ADARB2: variants seen among roughly 807,000 people sequenced by gnomAD.
The protein encoded by ADARB2 is inactive double-stranded RNA-specific editase B2.
A neutral mutation model predicts 62.2 loss-of-function variants in ADARB2; 25 were observed. That is an observed-to-expected ratio of 0.40 (90% CI 0.29 to 0.56). ADARB2 has a LOEUF of 0.56. ADARB2 is among the 20% of genes least tolerant of loss of function. The pLI is 0.43. For synonymous variants in ADARB2, 572 were observed against 500.8 expected, an observed-to-expected ratio of 1.14 and a Z score of -1.90; for missense variants, 1,071 against 1,077.4, an observed-to-expected ratio of 0.99 and a Z score of 0.08.
rs577165494 is a variant in ADARB2, at chr10:1,426,425, C to T, written c.101-47265G>A. Among the ~76,000 whole-genome samples the T allele has an allele frequency of 6.3e-4, 96 of 152,164 alleles. No individual in the cohort carries two copies. The highest frequency in any genetic ancestry group is 1.0e-3 in the Admixed American group (16 of 15,286). ...TCCCTTGTCATTGTTGCTGTAAAAC[C>T]GAAGCCCTCTTCTGCGTGGCGATTT... On this transcript the variant is annotated intron_variant, in intron 1 of 9. Coordinates refer to ENST00000381312, the MANE Select transcript of ADARB2 (RefSeq NM_018702.4). The surrounding 1 kb of genome is among the most constrained non-coding windows in gnomAD (Gnocchi z 4.1).
At chr10:1,496,347 T>C (rs1831691476) in intron 1 of ADARB2, among the ~76,000 whole-genome samples, 1 of 151,820 alleles carries the variant, frequency 6.6e-6, no homozygotes, top group South Asian at 2.1e-4. Context: ...ACCTCCATTA[T>C]CATCATTGTC....
At chr10:1,474,294 T>C (rs2131919292) in intron 1 of ADARB2, among the ~76,000 whole-genome samples, 1 of 152,268 alleles carries the variant, frequency 6.6e-6, no homozygotes, top group East Asian at 1.9e-4. Context: ...CCCGGCCCTC[T>C]GGGACGGCAT....
chr10:1,625,186 T>C (rs1245803862), intron 1 of ADARB2, among the ~76,000 whole-genome samples: 1 of 152,228 alleles, frequency 6.6e-6, no homozygotes, highest in African/African-American at 2.4e-5. Context: ...TTTTCTGTGG[T>C]GCAGAAAGGA....
chr10:1,717,072 T>C (rs1169346151), intron 1 of ADARB2, among the ~76,000 whole-genome samples: 2 of 151,584 alleles, frequency 1.3e-5, no homozygotes, highest in Non-Finnish European at 2.9e-5. Context: ...TCACATGTTA[T>C]TCTGATCACA....
At chr10:1,387,462 G>A (rs2820598) in intron 1 of ADARB2, among the ~76,000 whole-genome samples, 7,990 of 151,874 alleles carry the variant, frequency 0.053, 734 homozygotes, top group African/African-American at 0.18. Flanking sequence ...TAAGAATATG[G>A]GAATAATGTA....
intron 1 of ADARB2, among the ~76,000 whole-genome samples, chr10:1,485,921 C>A (rs973778248): frequency 3.9e-5 from 6 of 152,182 alleles, no homozygotes; most frequent in African/African-American, 1.4e-4. Context: ...ATATGACTCT[C>A]CCTCTCTCTT....
intron 4 of ADARB2, among the ~76,000 whole-genome samples, chr10:1,248,402 C>G (rs1027386219): frequency 2.2e-5 from 3 of 137,230 alleles, no homozygotes; most frequent in Non-Finnish European, 4.7e-5. Flanking sequence ...TTAGGAAGTC[C>G]TCCTGAGGTC....
At chr10:1,481,306 A>C (rs1368712945) in intron 1 of ADARB2, among the ~76,000 whole-genome samples, 2 of 152,250 alleles carry the variant, frequency 1.3e-5, no homozygotes, top group African/African-American at 4.8e-5. Context: ...ACAAACTCAA[A>C]ATTGATCAAA....
chr10:1,422,755 C>T (rs1832861974), intron 1 of ADARB2, among the ~76,000 whole-genome samples: 1 of 152,214 alleles, frequency 6.6e-6, no homozygotes, highest in Non-Finnish European at 1.5e-5. Context: ...CAAGCATAGG[C>T]TGTATACACT....
intron 1 of ADARB2, among the ~76,000 whole-genome samples, chr10:1,731,522 T>C (rs922117353): frequency 6.6e-6 from 1 of 152,196 alleles, no homozygotes. Context: ...CATTGTTTCT[T>C]CTCTTTTTGA....
chr10:1,283,265 TC>T (rs1417866928), intron 3 of ADARB2, among the ~76,000 whole-genome samples: 1 of 152,258 alleles, frequency 6.6e-6, no homozygotes, highest in Non-Finnish European at 1.5e-5. Context: ...CTACTGACTT[TC>T]TATTGGTTAA....
At chr10:1,438,006 C>T (rs181426307) in intron 1 of ADARB2, among the ~76,000 whole-genome samples, 2 of 152,350 alleles carry the variant, frequency 1.3e-5, no homozygotes, top group East Asian at 3.9e-4. Context: ...ACCGCTTCGT[C>T]CCCTTCCCTT....
intron 1 of ADARB2, among the ~76,000 whole-genome samples, chr10:1,503,741 G>A (rs763987110): frequency 2.6e-5 from 4 of 152,076 alleles, no homozygotes; most frequent in Non-Finnish European, 4.4e-5. Context: ...TGCTGACCTC[G>A]TGATAGTAAG....
In ADARB2 at chr10:1,323,742, A is replaced by G. The variant is rs551178109; in HGVS notation, c.1077+39286T>C. ...TAAATCCCACATCTCCATGTCTTAT[A>G]CAAAATCTTACACAAAAGTAACTCA... On this transcript the variant is annotated intron_variant, in intron 3 of 9. Coordinates refer to ENST00000381312, the MANE Select transcript of ADARB2 (RefSeq NM_018702.4). Among the ~76,000 whole-genome samples the G allele has an allele frequency of 6.6e-5, 10 of 152,348 alleles. No homozygotes were observed. In the South Asian group the frequency reaches 2.1e-3, roughly 32 times the overall value.
At chr10:1,203,830 A>T (rs888521674) in intron 7 of ADARB2, among the ~76,000 whole-genome samples, 1 of 152,032 alleles carries the variant, frequency 6.6e-6, no homozygotes, top group African/African-American at 2.4e-5. Context: ...GTGGACCTCA[A>T]AGTGGGATGT....
At chr10:1,582,142 T>C (rs1172005236) in intron 1 of ADARB2, among the ~76,000 whole-genome samples, 2 of 152,176 alleles carry the variant, frequency 1.3e-5, no homozygotes, top group African/African-American at 2.4e-5. Flanking sequence ...TTCATTTACA[T>C]GATGGATGAG....
Position 1,200,138 on chromosome 10 carries a change from G to A in ADARB2, c.1692C>T (p.Val564=). 1 of 1,550,510 alleles carries A rather than the reference G, an allele frequency of 6.4e-7. No homozygotes were observed. Among genetic ancestry groups the A allele is most frequent in the Non-Finnish European group, 8.7e-7 (1 of 1,147,180 alleles). Reference sequence around the variant, plus strand: ...ACAGGAGCGCGCCCTGCAGCCCCAGGACGTTCCACCTGTGGGGAGAGCCAG... The same window carrying A: ...ACAGGAGCGCGCCCTGCAGCCCCAGAACGTTCCACCTGTGGGGAGAGCCAG... The part of the protein sequence containing the change: ...SCTDKIARWN[V]LGLQGALLSH... The change falls in exon 8 of 10, where the codon GTC becomes GTT. Residue 564 remains valine (V), a synonymous_variant. Transcript: ENST00000381312.
intron 1 of ADARB2, among the ~76,000 whole-genome samples, chr10:1,402,826 T>C (rs1345722017): frequency 6.6e-6 from 1 of 152,224 alleles, no homozygotes; most frequent in Non-Finnish European, 1.5e-5. Context: ...ATTTGCAGTG[T>C]CCAGTGTAAA....
chr10:1,444,305 CCATCCACT>C (rs1338513963), intron 1 of ADARB2, among the ~76,000 whole-genome samples: 16 of 141,084 alleles, frequency 1.1e-4, no homozygotes, highest in Non-Finnish European at 2.0e-4. Flanking sequence ...ATCCATCCAT[CCATCCACT>C]CATTCATCCT....
Sources: gnomAD v4.1 joint callset for allele counts (sites outside exome capture counted in the v4.1 genomes callset) on GRCh38, gnomAD v4.1.1 for gene constraint, Gnocchi (gnomAD v3.1) non-coding constraint, MANE v1.5 for transcripts, NCBI Gene and HGNC (gene_info 2026-07-23, HGNC 2026-07-21) for gene names.